The following AMER1 variants were observed in gnomAD, a reference collection of about 807,000 sequenced individuals.
The protein encoded by AMER1 is RP11-403E24.2.
AMER1 carries 16 observed loss-of-function variants against 53.0 expected under a neutral mutation model. The ratio of observed to expected loss-of-function variants is 0.30; its 90% CI spans 0.20 to 0.46. The LOEUF (loss-of-function observed/expected upper bound fraction) is 0.46, where lower values mean the gene tolerates loss of function less well. Ranked by LOEUF, AMER1 falls within the 20% of genes least tolerant of loss-of-function variation. AMER1 has a pLI of 1.00. For missense variants in AMER1, 947 were observed against 884.9 expected (o/e 1.07, Z -0.89); for synonymous variants, 354 against 331.9 (o/e 1.07, Z -0.73).
chrX:64,188,557 G>C lies in AMER1; in HGVS notation c.*1322C>G, dbSNP rs759442467. 63 of 802,510 alleles carry C rather than the reference G, an allele frequency of 7.9e-5. 1 individual carries two copies. In the African/African-American group the frequency reaches 1.2e-3, roughly 15 times the overall value. The allele number at this position is 802,510 out of a possible 1,213,427, so 66.1% of individuals were successfully genotyped here. ...AATTGGAAGATAAAAGCTCTTTAAA[G>C]GGCCCAGAACAGCAGCTGAGATGCC... On this transcript the variant is annotated 3_prime_UTR_variant, in exon 2 of 2. Coordinates refer to ENST00000374869, the MANE Select transcript of AMER1 (RefSeq NM_152424.4).
In AMER1 at chrX:64,185,951, A is replaced by G; in HGVS notation, c.*3928T>C. 2.3e-6 allele frequency: 1 copy of G among 443,343 alleles called. No individual in the cohort carries two copies. 36.5% of individuals were successfully genotyped at this position (443,343 alleles called of 1,213,427 possible). On this transcript the variant is annotated 3_prime_UTR_variant, in exon 2 of 2. Transcript: ENST00000374869. ...CAAAATGCTCCTTTGGAGAAACTCAACAAGACAAATAGCACAACATGGGCA... is the reference window on the plus strand; with the variant it reads ...CAAAATGCTCCTTTGGAGAAACTCAGCAAGACAAATAGCACAACATGGGCA...
intron 1 of AMER1, among the ~76,000 whole-genome samples, chrX:64,198,583 G>A (rs766668500): frequency 7.2e-4 from 81 of 112,046 alleles, no homozygotes; most frequent in African/African-American, 2.6e-3. Context: ...CAAGAGAACT[G>A]CAAAGTTTAC....
chrX:64,204,462 G>A (rs1453310545), intron 1 of AMER1, among the ~76,000 whole-genome samples: 1 of 113,636 alleles, frequency 8.8e-6, no homozygotes, highest in Non-Finnish European at 1.9e-5. Context: ...GCCAAGCAAA[G>A]TCCAGCGTTC....
chrX:64,186,969 C>T lies in AMER1; in HGVS notation c.*2910G>A, dbSNP rs1418289114. The T allele has an allele frequency of 3.0e-5, 23 of 775,879 alleles. No homozygotes were observed. The highest frequency in any genetic ancestry group is 3.4e-5 in the Non-Finnish European group (22 of 651,803). 63.9% of individuals were successfully genotyped at this position (775,879 alleles called of 1,213,427 possible). A position where few individuals can be genotyped will look rare whatever the true frequency, so the allele number is the denominator to read the frequency against. ...AGCTACTTCCACTAAGTCCCATTTT[C>T]CCTTAAAATCACATCCAAAAGCATT... is the stretch of plus-strand genomic sequence containing the variant. On this transcript the variant is annotated 3_prime_UTR_variant, in exon 2 of 2. Coordinates refer to ENST00000374869, the MANE Select transcript of AMER1 (RefSeq NM_152424.4).
Position 64,191,215 on chromosome X carries a change from C to T in AMER1, c.2072G>A (p.Ser691Asn), listed in dbSNP as rs1406658299. 1 of 1,210,497 alleles carries T rather than the reference C, an allele frequency of 8.3e-7. No individual in the cohort carries two copies. Among genetic ancestry groups the T allele is most frequent in the South Asian group, 1.8e-5 (1 of 56,811 alleles). Residue 691 changes from serine to asparagine, a missense_variant, in exon 2 of 2, where the codon AGC (serine) becomes AAC (asparagine). By Grantham distance (46) the Ser-to-Asn change is conservative. Coordinates refer to ENST00000374869, the MANE Select transcript of AMER1 (RefSeq NM_152424.4). Reference sequence around the variant, plus strand: ...ACGGAAGTCCCTCCAGTCTGGCTCGCTGCTTGCAGTGGTGGGGAAAGCTGA... The same window carrying T: ...ACGGAAGTCCCTCCAGTCTGGCTCGTTGCTTGCAGTGGTGGGGAAAGCTGA... ...ITSAFPTTAS[S>N]EPDWRDFRPL...
intron 1 of AMER1, among the ~76,000 whole-genome samples, chrX:64,198,867 A>C (rs920579410): frequency 8.9e-6 from 1 of 112,360 alleles, no homozygotes; most frequent in Admixed American, 9.4e-5. Flanking sequence ...TGAGTGGCCC[A>C]AAAACGAGAA....
At position 64,188,778 on chromosome X, in the gene AMER1, T is replaced by A. The variant is rs1930159154; in HGVS notation, c.*1101A>T. ...CTGGCTGTGATAAATGGACCCTCAT[T>A]TTCTATCTTTCCCCTACACTCCACA... On this transcript the variant is annotated 3_prime_UTR_variant, in exon 2 of 2. Coordinates refer to ENST00000374869, the MANE Select transcript of AMER1 (RefSeq NM_152424.4). 1 of 801,865 alleles carries A rather than the reference T, an allele frequency of 1.2e-6. No homozygotes were observed. Among genetic ancestry groups the A allele is most frequent in the African/African-American group, 2.2e-5 (1 of 45,305 alleles). The allele number at this position is 801,865 out of a possible 1,213,427, so 66.1% of individuals were successfully genotyped here.
At chrX:64,197,536 C>T (rs1043518918) in intron 1 of AMER1, among the ~76,000 whole-genome samples, 12 of 113,053 alleles carry the variant, frequency 1.1e-4, no homozygotes, top group Non-Finnish European at 1.9e-4. Context: ...GCATGGCCAA[C>T]TTGAAGAGGG....
intron 1 of AMER1, among the ~76,000 whole-genome samples, chrX:64,199,255 C>T (rs959736833): frequency 5.3e-5 from 6 of 112,426 alleles, no homozygotes; most frequent in South Asian, 3.7e-4. Flanking sequence ...TTCATCCTGA[C>T]GGGCTTTGGT....
At position 64,192,119 on chromosome X, in the gene AMER1, A is replaced by G; in HGVS notation, c.1168T>C (p.Leu390=). The change falls in exon 2 of 2, where the codon TTA becomes CTA. Residue 390 remains leucine (L), a synonymous_variant. Coordinates refer to ENST00000374869, the MANE Select transcript of AMER1 (RefSeq NM_152424.4). ...TTAACCTCCTCTTCTTCCTCCTCTA[A>G]TTCCACCTCTTCTTCCTCTTCTTCC... ...EEEEEEEEVE[L]EEEEEEVKEE... 6 of 1,209,140 alleles carry G rather than the reference A, an allele frequency of 5.0e-6. No homozygotes were observed. Among genetic ancestry groups the G allele is most frequent in the Non-Finnish European group, 6.7e-6 (6 of 893,795 alleles).
In AMER1 at chrX:64,190,939, A is replaced by T; in HGVS notation, c.2348T>A (p.Phe783Tyr). Residue 783 changes from phenylalanine (F) to tyrosine (Y), a missense_variant, in exon 2 of 2, where the codon TTT becomes TAT. Transcript: ENST00000374869. Reference protein sequence around the residue: ...LVEFTSNGNLFSSMSCSSDSD... With the variant: ...LVEFTSNGNLYSSMSCSSDSD... Reference sequence around the variant, plus strand: ...GTCAGAGCTGCAGGACATGCTGGAAAAGAGGTTCCCATTGCTGGTGAACTC... The same window carrying T: ...GTCAGAGCTGCAGGACATGCTGGAATAGAGGTTCCCATTGCTGGTGAACTC... 1 of 1,211,250 alleles carries T rather than the reference A, an allele frequency of 8.3e-7. No individual in the cohort carries two copies. The highest frequency in any genetic ancestry group is 1.1e-6 in the Non-Finnish European group (1 of 895,304).
chrX:64,185,632 T>A lies in AMER1; in HGVS notation c.*4247A>T, dbSNP rs1237907941. On this transcript the variant is annotated 3_prime_UTR_variant, in exon 2 of 2. Transcript: ENST00000374869. ...CAAGCCATCACCCTGAAAGTCACTG[T>A]TCCCCAAAGTACCATCCACGTGTGA... 1.7e-5 allele frequency: 3 copies of A among 171,908 alleles called. No homozygotes were observed. The highest frequency in any genetic ancestry group is 3.3e-5 in the Non-Finnish European group (3 of 90,220). The allele number at this position is 171,908 out of a possible 1,213,427, so 14.2% of individuals were successfully genotyped here.
In AMER1 at chrX:64,192,167, A is replaced by G; in HGVS notation, c.1120T>C (p.Leu374=). ...TCCTCCTCGTCATCATCATCTGGCAAGGCCATCTCCTCCCCACCTCCTTGG... is the reference window on the plus strand; with the variant it reads ...TCCTCCTCGTCATCATCATCTGGCAGGGCCATCTCCTCCCCACCTCCTTGG... ...TYQGGGEEMA[L]PDDDDEEEEE... The change falls in exon 2 of 2, where the codon TTG becomes CTG. Residue 374 remains leucine, a synonymous_variant. Transcript: ENST00000374869. The G allele has an allele frequency of 8.3e-7, 1 of 1,210,855 alleles. No homozygotes were observed. The highest frequency in any genetic ancestry group is 1.1e-6 in the Non-Finnish European group (1 of 895,141).
In AMER1 at chrX:64,188,890, T is replaced by C. The variant is rs1384197171; in HGVS notation, c.*989A>G. 6.2e-6 allele frequency: 5 copies of C among 805,241 alleles called. No homozygotes were observed. The highest frequency in any genetic ancestry group is 7.4e-6 in the Non-Finnish European group (5 of 671,710). 66.4% of individuals were successfully genotyped at this position (805,241 alleles called of 1,213,427 possible). A position where few individuals can be genotyped will look rare whatever the true frequency, so the allele number is the denominator to read the frequency against. On this transcript the variant is annotated 3_prime_UTR_variant, in exon 2 of 2. Coordinates refer to ENST00000374869, the MANE Select transcript of AMER1 (RefSeq NM_152424.4). ...AAAGACCGTGTTCCTTGTGATGAGA[T>C]TATGAAAATTTCCTTTAGAGGAAAA... is the stretch of plus-strand genomic sequence containing the variant.
In AMER1 at chrX:64,187,075, T is replaced by C. The variant is rs1602064988; in HGVS notation, c.*2804A>G. Reference sequence around the variant, plus strand: ...GTGGACATGATATCAACAGTTTTAGTGGTCTGGGGTGTATTTGCTGCCACC... The same window carrying C: ...GTGGACATGATATCAACAGTTTTAGCGGTCTGGGGTGTATTTGCTGCCACC... On this transcript the variant is annotated 3_prime_UTR_variant, in exon 2 of 2. Transcript: ENST00000374869. The C allele has an allele frequency of 2.7e-5, 21 of 782,699 alleles. No homozygotes were observed. The highest frequency in any genetic ancestry group is 3.2e-5 in the Non-Finnish European group (21 of 656,325). 64.5% of individuals were successfully genotyped at this position (782,699 alleles called of 1,213,427 possible).
At chrX:64,196,284 C>T (rs899947405) in intron 1 of AMER1, among the ~76,000 whole-genome samples, 6 of 112,147 alleles carry the variant, frequency 5.4e-5, no homozygotes, top group South Asian at 3.7e-4. Context: ...CCTGCTGAGA[C>T]GCAGGTACTT....
chrX:64,192,964 T>C lies in AMER1; in HGVS notation c.323A>G (p.Asp108Gly), dbSNP rs1930287901. ...GLSEAAHGPE[D>G]VVSEGTGFSL... ...GAAGCCAGTTCCTTCACTGACAACATCTTCAGGGCCATGGGCTGCTTCACT... is the reference window on the plus strand; with the variant it reads ...GAAGCCAGTTCCTTCACTGACAACACCTTCAGGGCCATGGGCTGCTTCACT... The change falls in exon 2 of 2, where the codon GAT becomes GGT. Residue 108 changes from aspartate (D) to glycine (G), a missense_variant. Physicochemically the swap from Asp to Gly is moderately conservative, Grantham distance 94 (BLOSUM62 -1). Coordinates refer to ENST00000374869, the MANE Select transcript of AMER1 (RefSeq NM_152424.4). 8.3e-7 allele frequency: 1 copy of C among 1,209,690 alleles called. No individual in the cohort carries two copies. Among genetic ancestry groups the C allele is most frequent in the African/African-American group, 1.8e-5 (1 of 57,032 alleles).
Position 64,191,950 on chromosome X carries a change from G to C in AMER1, c.1337C>G (p.Pro446Arg), listed in dbSNP as rs1050530502. 7.4e-6 allele frequency: 9 copies of C among 1,210,209 alleles called. No homozygotes were observed. Among genetic ancestry groups the C allele is most frequent in the Non-Finnish European group, 8.9e-6 (8 of 895,333 alleles). ...YMLLDPVRSY[P>R]GLAPGELLTP... is the part of the protein sequence containing the mutation. The stretch of plus-strand genomic sequence containing the variant: ...CAAAAGTTCCCCAGGGGCTAGGCCA[G>C]GATAAGACCTAACTGGGTCAAGGAG... Residue 446 changes from proline to arginine, a missense_variant, in exon 2 of 2, where the codon CCT becomes CGT. Pro to Arg is a moderately radical substitution (Grantham distance 103). Coordinates refer to ENST00000374869, the MANE Select transcript of AMER1 (RefSeq NM_152424.4).
Position 64,193,310 on chromosome X carries a change from G to T in AMER1, c.-24C>A, listed in dbSNP as rs142890430. The T allele has an allele frequency of 1.2e-5, 14 of 1,209,292 alleles. No individual in the cohort carries two copies. The highest frequency in any genetic ancestry group is 1.6e-5 in the Non-Finnish European group (14 of 895,210). ...ATGATGATGGGGACAACTGAGGTAC[G>T]TCCAGCTGGAAATGCAGCCTCAGGC... On this transcript the variant is annotated 5_prime_UTR_variant, in exon 2 of 2. Transcript: ENST00000374869.
Sources: gnomAD v4.1 joint callset for allele counts (sites outside exome capture counted in the v4.1 genomes callset) on GRCh38, gnomAD v4.1.1 for gene constraint, MANE v1.5 for transcripts, NCBI Gene and HGNC (gene_info 2026-07-23, HGNC 2026-07-21) for gene names.